The following FRMPD2 variants were observed in gnomAD, a reference collection of about 807,000 sequenced individuals.
The protein encoded by FRMPD2 is FERM and PDZ domain-containing protein 2.
A neutral mutation model predicts 140.1 loss-of-function variants in FRMPD2; 96 were observed. The observed-to-expected ratio is 0.69, with a 90% confidence interval of 0.58 to 0.81. The LOEUF (loss-of-function observed/expected upper bound fraction) is 0.81. Among genes scored for constraint, FRMPD2 ranks in the 40% least tolerant of loss-of-function variants. The pLI is 0.00. For synonymous variants in FRMPD2, 449 were observed against 547.6 expected, an observed-to-expected ratio of 0.82 and a Z score of 2.52; for missense variants, 1,240 against 1,447.4, an observed-to-expected ratio of 0.86 and a Z score of 2.32.
chr10:48,183,087 T>A (rs1027097932), intron 20 of FRMPD2, among the ~76,000 whole-genome samples: 5 of 152,172 alleles, frequency 3.3e-5, no homozygotes, highest in African/African-American at 1.2e-4. Context: ...GGGAGCTGCA[T>A]GGCACTGTGT....
chr10:48,237,138 A>AG (rs1839985812), intron 8 of FRMPD2, among the ~76,000 whole-genome samples: 1 of 152,048 alleles, frequency 6.6e-6, no homozygotes, highest in African/African-American at 2.4e-5. Context: ...AAAAAAAAAA[A>AG]AAAGCTTAAG....
chr10:48,208,262 G>T (rs1839245817), intron 13 of FRMPD2, among the ~76,000 whole-genome samples: 1 of 152,154 alleles, frequency 6.6e-6, no homozygotes, highest in African/African-American at 2.4e-5. Flanking sequence ...GTCATTAAAA[G>T]TCATTAATAA....
At chr10:48,230,236 A>T (rs1335387164) in intron 10 of FRMPD2, among the ~76,000 whole-genome samples, 1 of 152,214 alleles carries the variant, frequency 6.6e-6, no homozygotes, top group East Asian at 1.9e-4. Flanking sequence ...ATCCAACCAG[A>T]ATTCTAAAAC....
intron 21 of FRMPD2, among the ~76,000 whole-genome samples, chr10:48,180,441 A>G (rs1246706325): frequency 6.6e-6 from 1 of 152,200 alleles, no homozygotes; most frequent in Non-Finnish European, 1.5e-5. Context: ...CAATTCAAGG[A>G]CAAGAATAGG....
At chr10:48,248,267 T>C (rs1452213355) in intron 3 of FRMPD2, among the ~76,000 whole-genome samples, 4 of 152,196 alleles carry the variant, frequency 2.6e-5, no homozygotes, top group African/African-American at 7.2e-5. Context: ...AAATTCTCTT[T>C]GAAATTAAAA....
intron 15 of FRMPD2, among the ~76,000 whole-genome samples, chr10:48,199,294 C>T (rs1169508940): frequency 2.7e-5 from 4 of 146,838 alleles, no homozygotes; most frequent in Admixed American, 6.7e-5. Flanking sequence ...AAAAACCCTA[C>T]TCTACAAGGT....
rs116823208 is a variant in FRMPD2 at position 48,272,884 on chromosome 10, A to T, written c.25+1659T>A. Among the ~76,000 whole-genome samples, 1,123 of 152,304 alleles carry T rather than the reference A, an allele frequency of 7.4e-3. 15 individuals are homozygous for T. Among genetic ancestry groups the T allele is most frequent in the African/African-American group, 0.025 (1,058 of 41,568 alleles). ...ATCTTCATTGTTTCACTTTCTTCTT[A>T]CTTGTCAATGTAAACAAAAATATCA... On this transcript the variant is annotated intron_variant, in intron 1 of 28. Coordinates refer to ENST00000374201, the MANE Select transcript of FRMPD2 (RefSeq NM_001018071.4).
chr10:48,251,278 A>G (rs1840375295), intron 2 of FRMPD2, among the ~76,000 whole-genome samples: 1 of 152,250 alleles, frequency 6.6e-6, no homozygotes, highest in African/African-American at 2.4e-5. Context: ...CCAGCTTTGC[A>G]TGCCTGGAAA....
At chr10:48,247,013 C>T (rs928157173) in intron 3 of FRMPD2, among the ~76,000 whole-genome samples, 21 of 152,158 alleles carry the variant, frequency 1.4e-4, no homozygotes, top group African/African-American at 4.6e-4. Flanking sequence ...TTGGTTAGTT[C>T]GGAGCTCAGT....
chr10:48,163,969 C>T (rs1437682223), intron 27 of FRMPD2, among the ~76,000 whole-genome samples: 1 of 151,198 alleles, frequency 6.6e-6, no homozygotes, highest in Non-Finnish European at 1.5e-5. Flanking sequence ...AAAACAATGA[C>T]TCTATTCCAC....
chr10:48,248,109 G>T (rs1840293060), intron 3 of FRMPD2, among the ~76,000 whole-genome samples: 1 of 152,160 alleles, frequency 6.6e-6, no homozygotes, highest in Admixed American at 6.5e-5. Flanking sequence ...ATTCCAGAAT[G>T]CCTCCCGAGG....
chr10:48,213,244 CAG>C (rs1839372183), intron 12 of FRMPD2, among the ~76,000 whole-genome samples: 2 of 152,210 alleles, frequency 1.3e-5, no homozygotes, highest in Non-Finnish European at 2.9e-5. Context: ...CCACCACAAA[CAG>C]AGAGATATTG....
At chr10:48,222,876 C>CT (rs1311134365) in intron 11 of FRMPD2, among the ~76,000 whole-genome samples, 2 of 152,222 alleles carry the variant, frequency 1.3e-5, no homozygotes, top group East Asian at 3.9e-4. Context: ...GAATTTTGAC[C>CT]TTGAGTGGAG....
At chr10:48,183,203 G>A (rs1393938657) in intron 20 of FRMPD2, among the ~76,000 whole-genome samples, 1 of 152,190 alleles carries the variant, frequency 6.6e-6, no homozygotes, top group African/African-American at 2.4e-5. Flanking sequence ...GTGACAGGAA[G>A]TTCTCCTGTA....
At chr10:48,238,398 G>A (rs1840021019) in intron 7 of FRMPD2, among the ~76,000 whole-genome samples, 1 of 152,316 alleles carries the variant, frequency 6.6e-6, no homozygotes, top group Admixed American at 6.5e-5. Flanking sequence ...TGTTTGTGGT[G>A]CCAGGACCCC....
rs2131996512 is a variant in FRMPD2 at position 48,274,536 on chromosome 10, G to C, written c.25+7C>G. 3 of 1,613,912 alleles carry C rather than the reference G, an allele frequency of 1.9e-6. No homozygotes were observed. Among genetic ancestry groups the C allele is most frequent in the Non-Finnish European group, 2.5e-6 (3 of 1,179,784 alleles). On this transcript the variant is annotated splice_region_variant and intron_variant, in intron 1 of 28. Transcript: ENST00000374201. ...ATAGGAGAAAACTGAATGATGCCAA[G>C]GAATACCTGCGTCCTTCGTTAAAGG...
intron 18 of FRMPD2, among the ~76,000 whole-genome samples, chr10:48,185,343 C>A (rs1475338658): frequency 2.0e-5 from 3 of 151,852 alleles, no homozygotes; most frequent in South Asian, 2.1e-4. Flanking sequence ...CTTAGATGCA[C>A]CCCAAAAAGA....
chr10:48,211,904 C>T (rs1202905924), intron 13 of FRMPD2, 50 bp downstream of exon 13: 2 of 1,577,150 alleles, frequency 1.3e-6, no homozygotes, highest in Admixed American at 1.7e-5. Flanking sequence ...GGATTGCTGG[C>T]TGCATTCCCT....
At chr10:48,265,707 A>G (rs1564444344) in intron 1 of FRMPD2, among the ~76,000 whole-genome samples, 1 of 151,860 alleles carries the variant, frequency 6.6e-6, no homozygotes, top group African/African-American at 2.4e-5. Context: ...TAATAAAAAG[A>G]AAAAATAACA....
Sources: gnomAD v4.1 joint callset for allele counts (sites outside exome capture counted in the v4.1 genomes callset) on GRCh38, gnomAD v4.1.1 for gene constraint, MANE v1.5 for transcripts, NCBI Gene and HGNC (gene_info 2026-07-23, HGNC 2026-07-21) for gene names.